The following FRMD4A variants were observed in gnomAD, a reference collection of about 807,000 sequenced individuals.
FRMD4A encodes FERM domain containing 4A, also known as FERM domain-containing protein 4A.
Under a neutral mutation model 129.1 loss-of-function variants are expected in FRMD4A, and 29 were observed. The observed-to-expected ratio is 0.22, with a 90% CI of 0.17 to 0.31. The LOEUF is 0.31. Ranked by LOEUF, FRMD4A falls within the 10% of genes least tolerant of loss-of-function variation. FRMD4A has a pLI of 1.00. For missense variants in FRMD4A, 1,272 were observed against 1,375.8 expected, an observed-to-expected ratio of 0.92 and a Z score of 1.19; for synonymous variants, 634 against 571.6, an observed-to-expected ratio of 1.11 and a Z score of -1.56.
intron 2 of FRMD4A, among the ~76,000 whole-genome samples, chr10:13,990,338 G>A (rs982767835): frequency 6.6e-6 from 1 of 152,164 alleles, no homozygotes; most frequent in African/African-American, 2.4e-5. Context: ...CCCATCCAGA[G>A]GGGAATGTGG....
chr10:13,759,921 G>A lies in FRMD4A; in HGVS notation c.464+1726C>T, dbSNP rs118088083. 2.0e-3 allele frequency among the ~76,000 whole-genome samples: 307 copies of A among 152,006 alleles called. 1 individual carries two copies. Among genetic ancestry groups the A allele is most frequent in the Non-Finnish European group, 3.5e-3 (241 of 68,002 alleles). ...AATATTCAAACAGAGCTGAAGAGAT[G>A]GCATTTGAGATCAGAGTCAGCAACT... On this transcript the variant is annotated intron_variant, in intron 8 of 24. Coordinates refer to ENST00000357447, the MANE Select transcript of FRMD4A (RefSeq NM_018027.5).
chr10:13,771,051 G>C (rs885611), intron 6 of FRMD4A, among the ~76,000 whole-genome samples: 2,153 of 152,212 alleles, frequency 0.014, 98 homozygotes, highest in South Asian at 0.12. Context: ...GACCTAAACT[G>C]CAAATGTGGC....
At chr10:14,155,533 T>G (rs1443933143) in intron 2 of FRMD4A, among the ~76,000 whole-genome samples, 1 of 152,166 alleles carries the variant, frequency 6.6e-6, no homozygotes, top group Admixed American at 6.5e-5. Context: ...ATAAAGGATG[T>G]GGGCTTGTTT....
At chr10:13,684,871 G>GA (rs11315548) in intron 15 of FRMD4A, 65,576 of 820,344 alleles carry the variant, frequency 0.08, 133 homozygotes, top group African/African-American at 0.088. Flanking sequence ...AGACCTTAGA[G>GA]AAAAAAAAAA....
intron 2 of FRMD4A, among the ~76,000 whole-genome samples, chr10:14,251,916 G>C (rs1034043590): frequency 2.6e-5 from 4 of 152,114 alleles, no homozygotes; most frequent in African/African-American, 9.7e-5. Context: ...ATTTAAAACA[G>C]AGCCTGGCAG....
Position 13,656,749 on chromosome 10 carries a change from T to C in FRMD4A, c.2840A>G (p.His947Arg). The change falls in exon 22 of 25, where the codon CAC becomes CGC. Residue 947 changes from histidine to arginine, a missense_variant. Coordinates refer to ENST00000357447, the MANE Select transcript of FRMD4A (RefSeq NM_018027.5). ...ASHKEHSRLS[H>R]TSSTSSDSGS... is the part of the protein sequence containing the mutation. The stretch of plus-strand genomic sequence containing the variant: ...GCTGTCCGAGGAGGTGGAGCTGGTG[T>C]GCGACAGGCGGCTGTGCTCCTTGTG... 2 of 1,598,568 alleles carry C rather than the reference T, an allele frequency of 1.3e-6. No homozygotes were observed. The highest frequency in any genetic ancestry group is 1.7e-6 in the Non-Finnish European group (2 of 1,173,610).
chr10:13,778,354 A>G (rs2092651440), intron 6 of FRMD4A, among the ~76,000 whole-genome samples: 1 of 152,148 alleles, frequency 6.6e-6, no homozygotes, highest in Non-Finnish European at 1.5e-5. Context: ...GAACTGCATT[A>G]TGGTATCTTT....
At chr10:14,129,336 A>C (rs1328817477) in intron 2 of FRMD4A, among the ~76,000 whole-genome samples, 2 of 145,212 alleles carry the variant, frequency 1.4e-5, no homozygotes, top group Non-Finnish European at 3.0e-5. Flanking sequence ...CAGGGGTTGC[A>C]ATCACTAATA....
At chr10:13,676,505 C>T (rs1271451501) in intron 15 of FRMD4A, among the ~76,000 whole-genome samples, 1 of 150,874 alleles carries the variant, frequency 6.6e-6, no homozygotes, top group African/African-American at 2.4e-5. Context: ...GAACTCCTGA[C>T]CTCAGGTGAT....
At chr10:14,231,705 T>C (rs114991653) in intron 2 of FRMD4A, among the ~76,000 whole-genome samples, 2,053 of 152,372 alleles carry the variant, frequency 0.013, 54 homozygotes, top group African/African-American at 0.047. Flanking sequence ...TTTTCTTATG[T>C]GTGTTGGCCA....
intron 2 of FRMD4A, among the ~76,000 whole-genome samples, chr10:14,242,163 G>A (rs1486899926): frequency 6.6e-6 from 1 of 152,132 alleles, no homozygotes; most frequent in Non-Finnish European, 1.5e-5. Context: ...AAGAGAAAAG[G>A]GTTAGCCAAT....
intron 2 of FRMD4A, among the ~76,000 whole-genome samples, chr10:14,234,224 GA>G (rs11347904): frequency 0.87 from 131,281 of 151,416 alleles, 56,967 homozygotes; most frequent in East Asian, 0.93. Flanking sequence ...GGAAGAAGAA[GA>G]AAAAAAAAAA....
intron 2 of FRMD4A, among the ~76,000 whole-genome samples, chr10:14,289,345 T>C (rs908588141): frequency 2.0e-5 from 3 of 152,172 alleles, no homozygotes; most frequent in Non-Finnish European, 2.9e-5. Context: ...GATATCATGC[T>C]GTTGTTTCAT....
intron 2 of FRMD4A, among the ~76,000 whole-genome samples, chr10:13,869,839 C>T (rs561185727): frequency 1.7e-4 from 26 of 152,316 alleles, no homozygotes; most frequent in South Asian, 2.1e-4. Flanking sequence ...CGGAAATACA[C>T]ACAATTAGGA....
rs1564319427 is a variant in FRMD4A, at chr10:14,127,980, T to TTTC, written c.45+202077_45+202078insGAA. 5.3e-3 allele frequency among the ~76,000 whole-genome samples: 103 copies of TTTC among 19,364 alleles called. 7 individuals are homozygous for TTTC. The highest frequency in any genetic ancestry group is 6.8e-3 in the Non-Finnish European group (66 of 9,644). The allele number at this position is 19,364 out of a possible 152,430, so 12.7% of individuals were successfully genotyped here. On this transcript the variant is annotated intron_variant, in intron 2 of 24. Coordinates refer to ENST00000357447, the MANE Select transcript of FRMD4A (RefSeq NM_018027.5). ...TTTCTTTCTTTCTTTCTTTCTTTCC[T>TTTC]TCTCTCTCTCTCTCTCTCTCTTTCT... is the stretch of plus-strand genomic sequence containing the variant.
chr10:14,163,811 T>C (rs1236578324), intron 2 of FRMD4A, among the ~76,000 whole-genome samples: 1 of 152,230 alleles, frequency 6.6e-6, no homozygotes, highest in African/African-American at 2.4e-5. Context: ...GAAATCTTCA[T>C]CTCACTCCTC....
chr10:14,309,843 G>A (rs1384303060), intron 2 of FRMD4A, among the ~76,000 whole-genome samples: 2 of 152,074 alleles, frequency 1.3e-5, no homozygotes, highest in African/African-American at 2.4e-5. Flanking sequence ...GTGAATCCTC[G>A]TTTCCTTCCT....
At chr10:13,841,291 G>C (rs1399907429) in intron 3 of FRMD4A, among the ~76,000 whole-genome samples, 1 of 152,164 alleles carries the variant, frequency 6.6e-6, no homozygotes, top group African/African-American at 2.4e-5. Context: ...TTTTGTCCCT[G>C]ATTTTGGGGA....
chr10:13,969,584 C>T (rs1375821782), intron 2 of FRMD4A, among the ~76,000 whole-genome samples: 1 of 152,204 alleles, frequency 6.6e-6, no homozygotes. Context: ...GATGTGGTGG[C>T]CGACACCTGT....
Sources: allele counts gnomAD v4.1 joint callset (sites outside exome capture counted in the v4.1 genomes callset), GRCh38; gene constraint gnomAD v4.1.1; transcripts MANE v1.5; gene names NCBI Gene and HGNC (gene_info 2026-07-23, HGNC 2026-07-21).